Variants in PDE8B observed in about 807,000 individuals in gnomAD.
The protein encoded by PDE8B is phosphodiesterase 8B.
Under a neutral mutation model 101.3 loss-of-function variants are expected in PDE8B, and 26 were observed. The ratio of observed to expected loss-of-function variants is 0.26; its 90% CI spans 0.19 to 0.36. PDE8B has a LOEUF of 0.36. PDE8B is among the 10% of genes least tolerant of loss of function. The probability of loss-of-function intolerance (pLI) is 1.00; values close to 1 mark genes in which losing one functional copy is unlikely to be tolerated. For synonymous variants in PDE8B, 424 were observed against 429.3 expected (o/e 0.99, Z 0.15); for missense variants, 810 against 1,163.1 (o/e 0.70, Z 4.42).
At chr5:77,182,570 G>A in the PDE8B span, among the ~76,000 whole-genome samples, 1 of 152,146 alleles carries the variant, frequency 6.6e-6, no homozygotes, top group Non-Finnish European at 1.5e-5. Flanking sequence ...GCCCAGTCTT[G>A]CAGAGCTCAT....
chr5:77,099,693 C>A, the PDE8B span, among the ~76,000 whole-genome samples: 2 of 151,996 alleles, frequency 1.3e-5, no homozygotes, highest in Admixed American at 6.6e-5. Context: ...CTCACTGCAA[C>A]CTCCGCCTCC....
chr5:77,138,580 G>A, the PDE8B span, among the ~76,000 whole-genome samples: 1 of 152,132 alleles, frequency 6.6e-6, no homozygotes. Flanking sequence ...CTCCAGCATG[G>A]AGTTTATTTA....
chr5:77,177,362 G>A, the PDE8B span, among the ~76,000 whole-genome samples: 67 of 152,230 alleles, frequency 4.4e-4, no homozygotes, highest in African/African-American at 1.5e-3. Context: ...CTATACATAC[G>A]TACCTATGAT....
the PDE8B span, among the ~76,000 whole-genome samples, chr5:77,197,108 A>C: frequency 4.0e-3 from 531 of 131,270 alleles, 4 homozygotes; most frequent in African/African-American, 0.014. Flanking sequence ...TTTAAAAAAA[A>C]CTTTTTTTTT....
At chr5:77,100,129 C>T in the PDE8B span, 1 of 152,182 alleles carries the variant, frequency 6.6e-6, no homozygotes, top group Non-Finnish European at 1.5e-5. Context: ...GGTTTATGTA[C>T]ATCTATTCAC....
intron 1 of PDE8B, among the ~76,000 whole-genome samples, chr5:77,239,370 A>C (rs1422789343): frequency 1.3e-5 from 2 of 152,176 alleles, no homozygotes; most frequent in Non-Finnish European, 2.9e-5. Flanking sequence ...TCTGTCTCAT[A>C]ATTTAGTTCT....
intron 10 of PDE8B, among the ~76,000 whole-genome samples, chr5:77,360,520 G>A (rs185526146): frequency 2.2e-3 from 333 of 152,324 alleles, no homozygotes; most frequent in African/African-American, 7.7e-3. Flanking sequence ...CACCTCACAT[G>A]AAGGAATCAG....
chr5:77,214,422 A>G (rs1561355742), intron 1 of PDE8B, among the ~76,000 whole-genome samples: 1 of 152,170 alleles, frequency 6.6e-6, no homozygotes, highest in Non-Finnish European at 1.5e-5. Flanking sequence ...TTGTTCATTC[A>G]GTATTTGTGG....
chr5:77,366,226 C>T (rs2150609283), intron 10 of PDE8B, among the ~76,000 whole-genome samples: 1 of 152,198 alleles, frequency 6.6e-6, no homozygotes, highest in East Asian at 1.9e-4. Context: ...GCTATGAGAA[C>T]TTTGGTTTTT....
chr5:77,375,009 T>C (rs1389018916), intron 10 of PDE8B, among the ~76,000 whole-genome samples: 1 of 152,132 alleles, frequency 6.6e-6, no homozygotes, highest in African/African-American at 2.4e-5. Context: ...TCTTGAGAAA[T>C]TGCATTGTTA....
chr5:77,221,327 G>A (rs1450080204), intron 1 of PDE8B, among the ~76,000 whole-genome samples: 1 of 152,062 alleles, frequency 6.6e-6, no homozygotes, highest in East Asian at 1.9e-4. Flanking sequence ...TGGGTTGTTT[G>A]TCCTGTAGAT....
At chr5:77,097,582 A>G in the PDE8B span, among the ~76,000 whole-genome samples, 1 of 144,274 alleles carries the variant, frequency 6.9e-6, no homozygotes, top group Non-Finnish European at 1.5e-5. Flanking sequence ...ATTCTGGAGG[A>G]CAGTATCTCA....
intron 1 of PDE8B, among the ~76,000 whole-genome samples, chr5:77,294,975 G>T (rs968530400): frequency 1.3e-5 from 2 of 151,354 alleles, no homozygotes; most frequent in East Asian, 3.9e-4. Flanking sequence ...ACCAAACCCC[G>T]TTGTGTACTG....
At chr5:77,175,547 C>T in the PDE8B span, among the ~76,000 whole-genome samples, 1 of 152,172 alleles carries the variant, frequency 6.6e-6, no homozygotes, top group Non-Finnish European at 1.5e-5. Flanking sequence ...TGGACTCTGC[C>T]TCAGCTTCTC....
At chr5:77,317,847 A>G (rs2150167541) in intron 2 of PDE8B, among the ~76,000 whole-genome samples, 1 of 152,208 alleles carries the variant, frequency 6.6e-6, no homozygotes, top group South Asian at 2.1e-4. Context: ...GCAAGGTCAC[A>G]CATCTCCTTT....
intron 1 of PDE8B, among the ~76,000 whole-genome samples, chr5:77,253,333 T>C (rs1403351169): frequency 6.6e-6 from 1 of 152,192 alleles, no homozygotes; most frequent in African/African-American, 2.4e-5. Flanking sequence ...TAAATGAGGT[T>C]GGAGAGGAAA....
chr5:77,349,066 CT>C (rs1315344803), intron 7 of PDE8B, among the ~76,000 whole-genome samples: 1 of 152,064 alleles, frequency 6.6e-6, no homozygotes, highest in African/African-American at 2.4e-5. Context: ...TGAGTTTTTC[CT>C]TATTCATGGG....
the PDE8B span, among the ~76,000 whole-genome samples, chr5:77,195,304 C>T: frequency 6.6e-6 from 1 of 152,170 alleles, no homozygotes; most frequent in East Asian, 1.9e-4. Flanking sequence ...AAATACCTGC[C>T]ATTAGGCCCC....
the PDE8B span, chr5:77,087,215 C>G: frequency 6.6e-6 from 1 of 152,304 alleles, no homozygotes; most frequent in African/African-American, 2.4e-5. Context: ...GACGGAAAAC[C>G]TCCGCGCGTG....
Sources: allele counts gnomAD v4.1 joint callset (sites outside exome capture counted in the v4.1 genomes callset), GRCh38; gene constraint gnomAD v4.1.1; transcripts MANE v1.5; gene names NCBI Gene and HGNC (gene_info 2026-07-23, HGNC 2026-07-21).